The following CTNNA2 variants were observed in gnomAD, a reference collection of about 807,000 sequenced individuals.
CTNNA2 encodes the protein catenin alpha-2.
Under a neutral mutation model 101.0 loss-of-function variants are expected in CTNNA2, and 42 were observed. The ratio of observed to expected loss-of-function variants is 0.42; its 90% CI spans 0.32 to 0.54. The LOEUF is 0.54. CTNNA2 is among the 20% of genes least tolerant of loss of function. The pLI, the probability that CTNNA2 is intolerant of heterozygous loss-of-function variation, is 0.14. For synonymous variants in CTNNA2, 450 were observed against 456.4 expected, an observed-to-expected ratio of 0.99 and a Z score of 0.18; for missense variants, 871 against 1,223.1, an observed-to-expected ratio of 0.71 and a Z score of 4.29.
Position 80,303,051 on chromosome 2 carries a change from T to C in CTNNA2, c.1057-90160T>C. On this transcript the variant is annotated intron_variant, in intron 7 of 18. Coordinates refer to ENST00000402739, the MANE Select transcript of CTNNA2 (RefSeq NM_001282597.3). This position sits in a 1 kb window ranked among gnomAD's most constrained non-coding sequence, Gnocchi z 7.7. ...CCCGACAAGTCCATTTTCTCCAGGT[T>C]CCAAACCCAGTCCAGCGAGCTGACC... 1.9e-6 allele frequency: 3 copies of C among 1,613,648 alleles called. No individual in the cohort carries two copies. Among genetic ancestry groups the C allele is most frequent in the Non-Finnish European group, 2.5e-6 (3 of 1,179,954 alleles).
chr2:79,622,559 T>C (rs922573187), intron 1 of CTNNA2, among the ~76,000 whole-genome samples: 5 of 152,220 alleles, frequency 3.3e-5, no homozygotes, highest in African/African-American at 1.2e-4. Flanking sequence ...TATTTTTCAA[T>C]TGGTATATTA....
intron 3 of CTNNA2, among the ~76,000 whole-genome samples, chr2:79,332,690 C>A (rs1676902538): frequency 6.6e-6 from 1 of 152,204 alleles, no homozygotes; most frequent in African/African-American, 2.4e-5. Flanking sequence ...TTTTTTAATT[C>A]ATTTGCCCTT....
At chr2:79,672,861 C>T (rs937509957) in intron 2 of CTNNA2, among the ~76,000 whole-genome samples, 5 of 151,950 alleles carry the variant, frequency 3.3e-5, no homozygotes, top group Admixed American at 3.3e-4. Flanking sequence ...AGGCGCCTGC[C>T]ACCATGCCCA....
At chr2:79,497,610 C>T (rs1439699843) in intron 4 of CTNNA2, among the ~76,000 whole-genome samples, 3 of 152,168 alleles carry the variant, frequency 2.0e-5, no homozygotes, top group Non-Finnish European at 4.4e-5. Context: ...ACACCCATGT[C>T]CACTAATTCT....
At chr2:79,752,350 ATGT>A (rs934381151) in intron 3 of CTNNA2, among the ~76,000 whole-genome samples, 18 of 152,216 alleles carry the variant, frequency 1.2e-4, no homozygotes, top group Non-Finnish European at 2.1e-4. Context: ...AGACTCTAGA[ATGT>A]TGTTGTAGTC....
At chr2:79,903,728 G>C (rs922639968) in intron 6 of CTNNA2, among the ~76,000 whole-genome samples, 7 of 152,164 alleles carry the variant, frequency 4.6e-5, no homozygotes, top group Admixed American at 2.6e-4. Flanking sequence ...GTAGGAAGAG[G>C]CTCAGCACTG....
chr2:79,885,572 A>T (rs543787989), intron 6 of CTNNA2, among the ~76,000 whole-genome samples: 1 of 152,282 alleles, frequency 6.6e-6, no homozygotes, highest in African/African-American at 2.4e-5. Flanking sequence ...GTAGCAACCA[A>T]TATACTTATT....
chr2:79,329,156 G>A (rs1028103484), intron 3 of CTNNA2, among the ~76,000 whole-genome samples: 11 of 152,108 alleles, frequency 7.2e-5, no homozygotes, highest in African/African-American at 2.7e-4. Flanking sequence ...TTGAAATTTG[G>A]AAGGACACTA....
rs531474608 is a variant in CTNNA2, at chr2:79,430,713, T to C, written c.-135+56700T>C. 3.9e-5 allele frequency among the ~76,000 whole-genome samples: 6 copies of C among 152,276 alleles called. No homozygotes were observed. In the East Asian group the frequency reaches 9.7e-4, roughly 24 times the overall value. On this transcript the variant is annotated intron_variant, in intron 4 of 21. Transcript: ENST00000466387. ...AGGCATGGAGAGTTTATTTGGCTTA[T>C]GGGGGCTATAAAAGCCTCCCAAAAT... is the stretch of plus-strand genomic sequence containing the variant.
intron 7 of CTNNA2, among the ~76,000 whole-genome samples, chr2:80,343,121 C>A (rs1050826725): frequency 6.6e-6 from 1 of 152,150 alleles, no homozygotes; most frequent in South Asian, 2.1e-4. Flanking sequence ...TTAATTTGAT[C>A]ATCTGCAAAG....
At chr2:79,758,084 C>G (rs1379032303) in intron 3 of CTNNA2, among the ~76,000 whole-genome samples, 1 of 152,154 alleles carries the variant, frequency 6.6e-6, no homozygotes, top group Non-Finnish European at 1.5e-5. Flanking sequence ...GATCATGAAA[C>G]TATCTCCATT....
intron 4 of CTNNA2, among the ~76,000 whole-genome samples, chr2:79,502,583 T>G (rs1354364574): frequency 1.3e-5 from 2 of 152,206 alleles, no homozygotes; most frequent in Admixed American, 1.3e-4. Flanking sequence ...AGATGGCTTA[T>G]GAACTGATAA....
chr2:80,134,907 G>T (rs1036620978), intron 7 of CTNNA2, among the ~76,000 whole-genome samples: 5 of 152,094 alleles, frequency 3.3e-5, no homozygotes, highest in African/African-American at 1.2e-4. Flanking sequence ...AAAACATCTT[G>T]GTTTTCTGCA....
chr2:79,833,009 G>A (rs1459492584), intron 3 of CTNNA2, among the ~76,000 whole-genome samples: 1 of 152,174 alleles, frequency 6.6e-6, no homozygotes, highest in Admixed American at 6.5e-5. Context: ...AAAGCTTTAG[G>A]AAAGGTAAAT....
At chr2:79,935,169 G>A (rs1420619587) in intron 7 of CTNNA2, among the ~76,000 whole-genome samples, 1 of 152,054 alleles carries the variant, frequency 6.6e-6, no homozygotes, top group Non-Finnish European at 1.5e-5. Flanking sequence ...TAGGTGCTTT[G>A]CACTTATTAC....
rs2104284645 is a variant in CTNNA2 at position 79,259,645 on chromosome 2, GGGCACAGAGCATGAA to G, written c.-405-53059_-405-53045del. Among the ~76,000 whole-genome samples the G allele has an allele frequency of 1.3e-5, 2 of 152,258 alleles. 1 individual carries two copies. The highest frequency in any genetic ancestry group is 4.8e-5 in the African/African-American group (2 of 41,552). On this transcript the variant is annotated intron_variant, in intron 2 of 21. Transcript: ENST00000466387. Reference sequence around the variant, plus strand: ...GTTGGGGGCCCAGGGGTGAGGTGGAGGGCACAGAGCATGAAGGCAAGGCTGTGAGAAGGCTGTGCA... The same window carrying G: ...GTTGGGGGCCCAGGGGTGAGGTGGAGGGCAAGGCTGTGAGAAGGCTGTGCA...
chr2:80,220,501 T>C (rs1708515159), intron 7 of CTNNA2, among the ~76,000 whole-genome samples: 1 of 152,202 alleles, frequency 6.6e-6, no homozygotes, highest in Non-Finnish European at 1.5e-5. Flanking sequence ...ACTGGAGGAC[T>C]GCTTGAGCTC....
At chr2:80,125,461 G>C (rs1702061288) in intron 7 of CTNNA2, among the ~76,000 whole-genome samples, 3 of 152,132 alleles carry the variant, frequency 2.0e-5, no homozygotes, top group African/African-American at 7.2e-5. Context: ...AGTTTTACCA[G>C]TCATTTGGCC....
chr2:80,591,567 C>A (rs184282411), intron 15 of CTNNA2, among the ~76,000 whole-genome samples: 2 of 147,698 alleles, frequency 1.4e-5, no homozygotes, highest in Admixed American at 6.9e-5. Context: ...TATTGCCCTT[C>A]CACTTGCATA....
Sources: allele counts gnomAD v4.1 joint callset (sites outside exome capture counted in the v4.1 genomes callset), GRCh38; gene constraint gnomAD v4.1.1; non-coding constraint Gnocchi (gnomAD v3.1); transcripts MANE v1.5; gene names NCBI Gene and HGNC (gene_info 2026-07-23, HGNC 2026-07-21).